Variants in RERE observed in about 807,000 individuals in gnomAD.
RERE encodes arginine-glutamic acid dipeptide repeats protein.
A neutral mutation model predicts 146.1 loss-of-function variants in RERE; 40 were observed. The ratio of observed to expected loss-of-function variants is 0.27; its 90% CI spans 0.21 to 0.36. The LOEUF is 0.36. Ranked by LOEUF, RERE falls within the 10% of genes least tolerant of loss-of-function variation. RERE has a pLI of 1.00. For synonymous variants in RERE, 1,003 were observed against 866.0 expected (o/e 1.16, Z -2.78); for missense variants, 1,933 against 2,138.7 (o/e 0.90, Z 1.90).
chr1:8,460,802 A>C (rs1354840967), intron 11 of RERE, among the ~76,000 whole-genome samples: 1 of 152,216 alleles, frequency 6.6e-6, no homozygotes, highest in Admixed American at 6.5e-5. Flanking sequence ...AAAAACCAAA[A>C]CGCAGCTAAG....
chr1:8,665,059 C>T (rs1304036438), intron 1 of RERE, among the ~76,000 whole-genome samples: 1 of 152,186 alleles, frequency 6.6e-6, no homozygotes, highest in Non-Finnish European at 1.5e-5. Context: ...CCCAGCCACA[C>T]TATCCCTCCC....
At chr1:8,720,683 T>C (rs575510169) in intron 1 of RERE, among the ~76,000 whole-genome samples, 3 of 152,264 alleles carry the variant, frequency 2.0e-5, no homozygotes, top group Admixed American at 6.5e-5. Context: ...GTTCTTATAA[T>C]TGTATAACCC....
chr1:8,678,378 G>A (rs905004428), intron 1 of RERE, among the ~76,000 whole-genome samples: 1 of 151,964 alleles, frequency 6.6e-6, no homozygotes, highest in Admixed American at 6.6e-5. Flanking sequence ...AGACACAGTA[G>A]CTCACGCCTA....
intron 1 of RERE, among the ~76,000 whole-genome samples, chr1:8,671,683 A>G (rs1638721047): frequency 6.6e-6 from 1 of 152,238 alleles, no homozygotes; most frequent in Middle Eastern, 3.2e-3. Flanking sequence ...AAAATTTTTA[A>G]TGTCCATGTG....
intron 8 of RERE, among the ~76,000 whole-genome samples, chr1:8,502,217 T>A (rs1374786929): frequency 1.1e-5 from 1 of 93,646 alleles, no homozygotes; most frequent in Non-Finnish European, 2.2e-5. Flanking sequence ...GGTGGGGGGA[T>A]CAGCCCCCCG....
At chr1:8,406,076 CTGAG>C (rs147449403) in intron 12 of RERE, among the ~76,000 whole-genome samples, 2,301 of 152,058 alleles carry the variant, frequency 0.015, 72 homozygotes, top group African/African-American at 0.054. Context: ...CAGTAGGATT[CTGAG>C]TGAGTCAATC....
chr1:8,675,245 A>G (rs1638807660), intron 1 of RERE, among the ~76,000 whole-genome samples: 1 of 152,018 alleles, frequency 6.6e-6, no homozygotes, highest in South Asian at 2.1e-4. Flanking sequence ...GCTGGTTATG[A>G]TATGTGCTGC....
chr1:8,766,878 T>C (rs1266473427), intron 1 of RERE, among the ~76,000 whole-genome samples: 1 of 152,230 alleles, frequency 6.6e-6, no homozygotes, highest in Non-Finnish European at 1.5e-5. Flanking sequence ...GGAAGCTTTC[T>C]TGGGCATTTA....
chr1:8,457,269 G>A (rs1644463086), intron 11 of RERE, among the ~76,000 whole-genome samples: 1 of 152,164 alleles, frequency 6.6e-6, no homozygotes, highest in Non-Finnish European at 1.5e-5. Context: ...ATGCTCAGGT[G>A]GTGAGGCCAA....
chr1:8,364,737 G>T lies in RERE; in HGVS notation c.1540+9C>A. The T allele has an allele frequency of 6.2e-7, 1 of 1,609,116 alleles. No homozygotes were observed. Among genetic ancestry groups the T allele is most frequent in the Non-Finnish European group, 8.5e-7 (1 of 1,175,446 alleles). On this transcript the variant is annotated intron_variant, in intron 14 of 22. Transcript: ENST00000400908. The surrounding 1 kb of genome is among the most constrained non-coding windows in gnomAD (Gnocchi z 5.1). ...CGCCCCGCCCCAGGAGCGTGACGAG[G>T]CCACTTACTGGTGGTGAAGCAGTGG... is the stretch of plus-strand genomic sequence containing the variant.
At chr1:8,708,905 GT>G (rs35403792) in intron 1 of RERE, among the ~76,000 whole-genome samples, 913 of 72,288 alleles carry the variant, frequency 0.013, 3 homozygotes, top group African/African-American at 0.043. Context: ...AAACTCTGGA[GT>G]TTTTTTTTTT....
chr1:8,356,318 G>T lies in RERE; in HGVS notation c.4340-72C>A. The T allele has an allele frequency of 1.4e-6, 2 of 1,397,210 alleles. No individual in the cohort carries two copies. The highest frequency in any genetic ancestry group is 1.9e-6 in the Non-Finnish European group (2 of 1,074,392). The allele number at this position is 1,397,210 out of a possible 1,614,324, so 86.6% of individuals were successfully genotyped here. On this transcript the variant is annotated intron_variant, in intron 20 of 22. Coordinates refer to ENST00000400908, the MANE Select transcript of RERE (RefSeq NM_001042681.2). The surrounding 1 kb of genome is among the most constrained non-coding windows in gnomAD (Gnocchi z 5.2). Reference sequence around the variant, plus strand: ...AATGTTTGTCCCCCTTGGCTGGAATGACCGATGACTTCCTCCTCACCCAGG... The same window carrying T: ...AATGTTTGTCCCCCTTGGCTGGAATTACCGATGACTTCCTCCTCACCCAGG...
At chr1:8,404,436 C>CA (rs554105147) in intron 12 of RERE, among the ~76,000 whole-genome samples, 8 of 151,280 alleles carry the variant, frequency 5.3e-5, no homozygotes, top group Admixed American at 3.9e-4. Context: ...AACAAACAAA[C>CA]AAAAAAAAGA....
chr1:8,693,631 G>A (rs1454587851), intron 1 of RERE, among the ~76,000 whole-genome samples: 1 of 152,156 alleles, frequency 6.6e-6, no homozygotes, highest in Non-Finnish European at 1.5e-5. Flanking sequence ...GGCATGTTTA[G>A]AGCAGTAAAG....
At chr1:8,537,515 C>T (rs1645743251) in intron 7 of RERE, among the ~76,000 whole-genome samples, 1 of 152,132 alleles carries the variant, frequency 6.6e-6, no homozygotes, top group Non-Finnish European at 1.5e-5. Flanking sequence ...TTGGCACCAA[C>T]CTTGGCATAA....
intron 1 of RERE, among the ~76,000 whole-genome samples, chr1:8,746,523 T>C (rs1000966957): frequency 1.8e-4 from 28 of 152,122 alleles, no homozygotes; most frequent in African/African-American, 6.0e-4. Context: ...ATGTAACTTA[T>C]TGAATACAGA....
At chr1:8,663,627 A>C (rs1194102865) in intron 1 of RERE, among the ~76,000 whole-genome samples, 1 of 152,138 alleles carries the variant, frequency 6.6e-6, no homozygotes, top group Non-Finnish European at 1.5e-5. Context: ...AGCATATCTG[A>C]CGTCCCACCA....
chr1:8,583,878 A>C (rs910837687), intron 4 of RERE, among the ~76,000 whole-genome samples: 1 of 152,044 alleles, frequency 6.6e-6, no homozygotes, highest in East Asian at 1.9e-4. Context: ...GCAAAAGCAA[A>C]GTACATTATA....
At chr1:8,729,194 T>A (rs1640032246) in intron 1 of RERE, among the ~76,000 whole-genome samples, 1 of 148,458 alleles carries the variant, frequency 6.7e-6, no homozygotes, top group Admixed American at 6.9e-5. Flanking sequence ...TCAATCAAGT[T>A]TTATTAGAAG....
Sources: gnomAD v4.1 joint callset for allele counts (sites outside exome capture counted in the v4.1 genomes callset) on GRCh38, gnomAD v4.1.1 for gene constraint, Gnocchi (gnomAD v3.1) non-coding constraint, MANE v1.5 for transcripts, NCBI Gene and HGNC (gene_info 2026-07-23, HGNC 2026-07-21) for gene names.